NRG1: variants seen among roughly 807,000 people sequenced by gnomAD.
NRG1 encodes neuregulin 1.
A neutral mutation model predicts 63.8 loss-of-function variants in NRG1; 18 were observed. The ratio of observed to expected loss-of-function variants is 0.28; its 90% CI spans 0.19 to 0.42. NRG1 has a LOEUF of 0.42. Among genes scored for constraint, NRG1 ranks in the 10% least tolerant of loss-of-function variants. The pLI is 1.00. For missense variants in NRG1, 762 were observed against 814.7 expected (o/e 0.94, Z 0.79); for synonymous variants, 302 against 301.3 (o/e 1.00, Z -0.02).
intron 5 of NRG1, among the ~76,000 whole-genome samples, chr8:32,624,856 A>T (rs1848932804): frequency 6.6e-6 from 1 of 152,202 alleles, no homozygotes; most frequent in Non-Finnish European, 1.5e-5. Flanking sequence ...TTTAAAAAAA[A>T]TCCATGATTG....
At chr8:31,939,353 A>T (rs1194399678) in intron 1 of NRG1, among the ~76,000 whole-genome samples, 1 of 152,190 alleles carries the variant, frequency 6.6e-6, no homozygotes, top group East Asian at 1.9e-4. Flanking sequence ...TACCAGGCAC[A>T]CAAATGATGA....
intron 1 of NRG1, among the ~76,000 whole-genome samples, chr8:32,265,052 A>G (rs903876133): frequency 6.6e-6 from 1 of 152,160 alleles, no homozygotes; most frequent in African/African-American, 2.4e-5. Context: ...TAAAATTGCT[A>G]TCAGGCCGGG....
chr8:32,404,783 C>T (rs144387894), intron 1 of NRG1, among the ~76,000 whole-genome samples: 2,055 of 152,076 alleles, frequency 0.014, 22 homozygotes, highest in Non-Finnish European at 0.023. Flanking sequence ...CAGGGTTTCA[C>T]CATGGTGGCC....
intron 1 of NRG1, among the ~76,000 whole-genome samples, chr8:32,590,127 A>G (rs1477629164): frequency 2.0e-5 from 3 of 152,240 alleles, no homozygotes; most frequent in African/African-American, 4.8e-5. Context: ...TGTAAAGAGA[A>G]GTATTCAAAA....
chr8:32,031,383 T>G (rs1229878245), intron 1 of NRG1, among the ~76,000 whole-genome samples: 1 of 152,210 alleles, frequency 6.6e-6, no homozygotes, highest in African/African-American at 2.4e-5. Flanking sequence ...CACTCCAGAC[T>G]TACTCTTCAC....
chr8:31,887,675 G>C (rs992296576), intron 1 of NRG1, among the ~76,000 whole-genome samples: 8 of 152,018 alleles, frequency 5.3e-5, no homozygotes. Flanking sequence ...GAGAAGTTAG[G>C]TCTATAGGGT....
intron 1 of NRG1, among the ~76,000 whole-genome samples, chr8:31,678,595 T>C (rs1309328436): frequency 1.3e-5 from 2 of 152,006 alleles, no homozygotes; most frequent in East Asian, 3.9e-4. Context: ...TGACCCAATT[T>C]AAACTTTTCT....
intron 1 of NRG1, among the ~76,000 whole-genome samples, chr8:32,353,333 T>A (rs138809583): frequency 1.3e-3 from 203 of 151,158 alleles, no homozygotes; most frequent in African/African-American, 4.6e-3. Flanking sequence ...GGTAATAATT[T>A]AAATAATTTA....
chr8:31,839,205 TCCCATTCTTGTTCACTATTCGTTG>T (rs1468601183), intron 1 of NRG1, among the ~76,000 whole-genome samples: 1 of 152,174 alleles, frequency 6.6e-6, no homozygotes, highest in African/African-American at 2.4e-5. Flanking sequence ...TTCATTCTCC[TCCCATTCTTGTTCACTATTCGTTG>T]CCCATTCTTG....
chr8:32,439,029 A>C (rs527826321), intron 1 of NRG1, among the ~76,000 whole-genome samples: 1 of 152,182 alleles, frequency 6.6e-6, no homozygotes, highest in Non-Finnish European at 1.5e-5. Flanking sequence ...AAGAGCTTTT[A>C]ATTTTGATAA....
At chr8:32,743,107 A>G (rs943357042) in intron 7 of NRG1, 27 of 1,012,836 alleles carry the variant, frequency 2.7e-5, no homozygotes, top group Non-Finnish European at 3.1e-5. Context: ...TCTTCTTTAT[A>G]CAATGACCAC....
At chr8:32,266,879 CAAAAA>C (rs60715824) in intron 1 of NRG1, among the ~76,000 whole-genome samples, 8 of 112,830 alleles carry the variant, frequency 7.1e-5, no homozygotes, top group East Asian at 2.3e-4. Context: ...ACTAAAAATA[CAAAAA>C]AAAAAAAAAA....
chr8:32,169,847 G>T (rs1443404683), intron 1 of NRG1, among the ~76,000 whole-genome samples: 1 of 152,182 alleles, frequency 6.6e-6, no homozygotes, highest in African/African-American at 2.4e-5. Context: ...CTTAACCCCA[G>T]TGCTGCTGAA....
chr8:31,847,880 G>A (rs1656640604), intron 1 of NRG1, among the ~76,000 whole-genome samples: 1 of 152,154 alleles, frequency 6.6e-6, no homozygotes, highest in South Asian at 2.1e-4. Context: ...TGTTTGAGGA[G>A]GCATGACTAT....
chr8:31,730,418 C>T (rs1813908258), intron 1 of NRG1, among the ~76,000 whole-genome samples: 1 of 152,108 alleles, frequency 6.6e-6, no homozygotes, highest in Admixed American at 6.6e-5. Flanking sequence ...CAGACACATT[C>T]ACTCATGCCC....
intron 1 of NRG1, among the ~76,000 whole-genome samples, chr8:31,771,326 G>T (rs1818604154): frequency 6.6e-6 from 1 of 152,184 alleles, no homozygotes; most frequent in African/African-American, 2.4e-5. Flanking sequence ...CAGTTGCTGA[G>T]TAAGATTCTA....
At chr8:32,146,153 G>A (rs1836852440) in intron 1 of NRG1, among the ~76,000 whole-genome samples, 2 of 152,040 alleles carry the variant, frequency 1.3e-5, no homozygotes, top group African/African-American at 4.8e-5. Context: ...GTTTTTTACC[G>A]GCACATTTCT....
At chr8:31,871,176 C>T (rs1829450680) in intron 1 of NRG1, among the ~76,000 whole-genome samples, 1 of 151,986 alleles carries the variant, frequency 6.6e-6, no homozygotes, top group Admixed American at 6.6e-5. Context: ...GGGGTTTCAC[C>T]CTGATGGCCA....
intron 1 of NRG1, among the ~76,000 whole-genome samples, chr8:31,952,442 A>G (rs536576953): frequency 6.6e-6 from 1 of 152,230 alleles, no homozygotes; most frequent in Non-Finnish European, 1.5e-5. Flanking sequence ...AGTACTAGCA[A>G]TTTCTCAGGG....
Sources: allele counts gnomAD v4.1 joint callset (sites outside exome capture counted in the v4.1 genomes callset), GRCh38; gene constraint gnomAD v4.1.1; transcripts MANE v1.5; gene names NCBI Gene and HGNC (gene_info 2026-07-23, HGNC 2026-07-21).